Variants in B4GALT6 observed in about 807,000 individuals in gnomAD.
B4GALT6 encodes the protein UDP-Gal:beta-GlcNAc beta-1,4-galactosyltransferase 6.
B4GALT6 carries 14 observed loss-of-function variants against 46.3 expected under a neutral mutation model. The observed-to-expected ratio is 0.30, with a 90% CI of 0.20 to 0.47. B4GALT6 has a LOEUF of 0.47. Among genes scored for constraint, B4GALT6 ranks in the 20% least tolerant of loss-of-function variants. The probability of loss-of-function intolerance (pLI) is 0.99; values close to 1 mark genes in which losing one functional copy is unlikely to be tolerated. For synonymous variants in B4GALT6, 168 were observed against 162.0 expected (o/e 1.04, Z -0.28); for missense variants, 386 against 480.1 (o/e 0.80, Z 1.83).
chr18:31,708,212 A>T, the B4GALT6 span, among the ~76,000 whole-genome samples: 1 of 152,226 alleles, frequency 6.6e-6, no homozygotes, highest in African/African-American at 2.4e-5. Context: ...AATTTTGAGA[A>T]CTACCTATTT....
the B4GALT6 span, among the ~76,000 whole-genome samples, chr18:31,691,292 CATATATATATATATATAT>C: frequency 2.2e-3 from 261 of 117,446 alleles, no homozygotes; most frequent in African/African-American, 0.01. Context: ...CATAATTTTA[CATATATATATATATATAT>C]ATATATATAT....
chr18:31,675,792 T>C (rs184585772), intron 1 of B4GALT6, among the ~76,000 whole-genome samples: 1 of 152,304 alleles, frequency 6.6e-6, no homozygotes. Context: ...GGAAACATTA[T>C]AAAATTGTTG....
intron 1 of B4GALT6, among the ~76,000 whole-genome samples, chr18:31,680,491 C>A (rs2074467878): frequency 6.6e-6 from 1 of 152,166 alleles, no homozygotes; most frequent in South Asian, 2.1e-4. Flanking sequence ...ACAAAGCACT[C>A]AGCCAGATAA....
At chr18:31,650,374 T>A (rs1489491149) in intron 3 of B4GALT6, among the ~76,000 whole-genome samples, 1 of 152,180 alleles carries the variant, frequency 6.6e-6, no homozygotes, top group East Asian at 1.9e-4. Context: ...GTCCTGCCTT[T>A]CAAAGGAAAA....
At chr18:31,656,751 G>A (rs1338602015) in intron 3 of B4GALT6, among the ~76,000 whole-genome samples, 1 of 152,076 alleles carries the variant, frequency 6.6e-6, no homozygotes, top group Non-Finnish European at 1.5e-5. Context: ...AAAACAAGAA[G>A]CCTGGGAATG....
chr18:31,689,383 A>G (rs1274937320), upstream of B4GALT6, among the ~76,000 whole-genome samples: 1 of 152,204 alleles, frequency 6.6e-6, no homozygotes, highest in South Asian at 2.1e-4. Context: ...GATAGAGTCC[A>G]GTCACAGAAC....
At chr18:31,675,628 T>A (rs1379079766) in intron 1 of B4GALT6, among the ~76,000 whole-genome samples, 1 of 151,948 alleles carries the variant, frequency 6.6e-6, no homozygotes, top group African/African-American at 2.4e-5. Context: ...CCTAAGAGAG[T>A]TATGAACCAC....
At chr18:31,714,761 A>G in the B4GALT6 span, among the ~76,000 whole-genome samples, 1 of 152,204 alleles carries the variant, frequency 6.6e-6, no homozygotes, top group Non-Finnish European at 1.5e-5. Flanking sequence ...ATGGTGAAGC[A>G]GGGTTTTATA....
chr18:31,630,201 T>C (rs963006597), intron 6 of B4GALT6, among the ~76,000 whole-genome samples: 1 of 152,116 alleles, frequency 6.6e-6, no homozygotes, highest in Non-Finnish European at 1.5e-5. Context: ...TGCTTCTCTG[T>C]ACTCTAGATT....
rs144745096 is a variant in B4GALT6, at chr18:31,681,165, T to C, written c.115+3147A>G. ...CACAACTCCTATTGTTGAATGAACT[T>C]GTAAGTCAGCTCATCTTTGATATGA... On this transcript the variant is annotated intron_variant, in intron 1 of 8. Coordinates refer to ENST00000306851, the MANE Select transcript of B4GALT6 (RefSeq NM_004775.5). Among the ~76,000 whole-genome samples, 309 of 152,338 alleles carry C rather than the reference T, an allele frequency of 2.0e-3. 1 individual carries two copies. The highest frequency in any genetic ancestry group is 6.9e-3 in the African/African-American group (287 of 41,590).
intron 5 of B4GALT6, among the ~76,000 whole-genome samples, chr18:31,634,292 AGAT>A (rs1454561192): frequency 6.6e-6 from 1 of 152,218 alleles, no homozygotes; most frequent in African/African-American, 2.4e-5. Context: ...AGTTTCTACA[AGAT>A]ACAACAGAGT....
the B4GALT6 span, among the ~76,000 whole-genome samples, chr18:31,708,162 T>C: frequency 2.0e-5 from 3 of 152,386 alleles, no homozygotes; most frequent in East Asian, 5.8e-4. Context: ...GGCTCATTCA[T>C]ATTTTTAGGA....
intron 3 of B4GALT6, among the ~76,000 whole-genome samples, chr18:31,654,681 G>T (rs969437251): frequency 2.0e-5 from 3 of 152,108 alleles, no homozygotes; most frequent in African/African-American, 7.2e-5. Context: ...CCAGTGTTAA[G>T]CCTTAACTTC....
the B4GALT6 span, among the ~76,000 whole-genome samples, chr18:31,712,287 A>ATT: frequency 1.5e-3 from 124 of 84,610 alleles, 6 homozygotes; most frequent in East Asian, 5.1e-3. Flanking sequence ...CTGGGACGTT[A>ATT]TTTTTTTTTT....
chr18:31,720,456 C>T, the B4GALT6 span, among the ~76,000 whole-genome samples: 1 of 152,150 alleles, frequency 6.6e-6, no homozygotes. Flanking sequence ...GCTATGGGTG[C>T]CATCGTGATA....
the B4GALT6 span, among the ~76,000 whole-genome samples, chr18:31,696,276 C>T: frequency 6.6e-6 from 1 of 152,132 alleles, no homozygotes; most frequent in Non-Finnish European, 1.5e-5. Flanking sequence ...AGACAGGTAA[C>T]ATGATCCATC....
chr18:31,693,825 A>G, the B4GALT6 span, among the ~76,000 whole-genome samples: 2 of 152,028 alleles, frequency 1.3e-5, no homozygotes, highest in Admixed American at 6.6e-5. Flanking sequence ...AAAATTGCCC[A>G]GGCATGGCAG....
chr18:31,697,226 C>G, the B4GALT6 span, among the ~76,000 whole-genome samples: 2 of 151,932 alleles, frequency 1.3e-5, no homozygotes, highest in African/African-American at 4.8e-5. Context: ...AGATTGTGCC[C>G]CTGCATTCCA....
At chr18:31,684,660 G>A (rs1251891474), upstream of B4GALT6, 53 of 1,217,610 alleles carry the variant, frequency 4.4e-5, no homozygotes, top group Non-Finnish European at 5.5e-5. Flanking sequence ...AGGGACAAGA[G>A]GTGGAGGGGG....
Sources: gnomAD v4.1 joint callset for allele counts (sites outside exome capture counted in the v4.1 genomes callset) on GRCh38, gnomAD v4.1.1 for gene constraint, MANE v1.5 for transcripts, NCBI Gene and HGNC (gene_info 2026-07-23, HGNC 2026-07-21) for gene names.